Variants in EGLN1 observed in about 807,000 individuals in gnomAD.
EGLN1 encodes egl nine homolog 1.
EGLN1 carries 17 observed loss-of-function variants against 38.3 expected under a neutral mutation model. The observed-to-expected ratio is 0.44, with a 90% CI of 0.30 to 0.67. The LOEUF is 0.67. EGLN1 is among the 30% of genes least tolerant of loss of function. The pLI is 0.08. For missense variants in EGLN1, 477 were observed against 603.3 expected, an observed-to-expected ratio of 0.79 and a Z score of 2.19; for synonymous variants, 283 against 257.5, an observed-to-expected ratio of 1.10 and a Z score of -0.95.
intron 1 of EGLN1, among the ~76,000 whole-genome samples, chr1:231,395,577 T>C (rs1444948931): frequency 6.6e-6 from 1 of 152,218 alleles, no homozygotes; most frequent in Non-Finnish European, 1.5e-5. Context: ...GCACTGAAAA[T>C]CCAGCTTCCC....
intron 1 of EGLN1, among the ~76,000 whole-genome samples, chr1:231,379,457 T>C (rs1206381447): frequency 2.0e-5 from 3 of 152,212 alleles, no homozygotes; most frequent in African/African-American, 7.2e-5. Flanking sequence ...ATGGTAAACC[T>C]TGAAATAAAT....
chr1:231,363,758 T>G lies in EGLN1; in HGVS notation c.*2653A>C, dbSNP rs771422163. On this transcript the variant is annotated 3_prime_UTR_variant, in exon 5 of 5. Transcript: ENST00000366641. ...AGCTGGAAATAACCACCATAATGTT[T>G]CAACAACATTTATACATCTTTTTAA... 4 of 152,230 alleles carry G rather than the reference T, an allele frequency of 2.6e-5. No individual in the cohort carries two copies. The highest frequency in any genetic ancestry group is 4.4e-5 in the Non-Finnish European group (3 of 68,042). The allele number at this position is 152,230 out of a possible 1,614,324, so 9.4% of individuals were successfully genotyped here. A position where few individuals can be genotyped will look rare whatever the true frequency, so the allele number is the denominator to read the frequency against.
intron 1 of EGLN1, among the ~76,000 whole-genome samples, chr1:231,400,845 T>C (rs1298136631): frequency 6.6e-6 from 1 of 151,486 alleles, no homozygotes; most frequent in East Asian, 2.0e-4. Context: ...AGGTCAGGAG[T>C]TCAAGACCAG....
At chr1:231,420,083 A>C (rs989662262) in intron 1 of EGLN1, 1 of 152,224 alleles carries the variant, frequency 6.6e-6, no homozygotes, top group African/African-American at 2.4e-5. Context: ...ACTGTTTATC[A>C]TGAGGGAGGA....
chr1:231,380,530 T>A (rs1369240477), intron 1 of EGLN1, among the ~76,000 whole-genome samples: 1 of 152,098 alleles, frequency 6.6e-6, no homozygotes. Context: ...AAAATGCTAT[T>A]ATAATAATAT....
chr1:231,387,251 ACACACCCC>A (rs1337729303), intron 1 of EGLN1, among the ~76,000 whole-genome samples: 2 of 151,314 alleles, frequency 1.3e-5, no homozygotes, highest in Non-Finnish European at 2.9e-5. Flanking sequence ...ACACACACAC[ACACACCCC>A]CCTAATTAAA....
chr1:231,416,446 T>C (rs1689085577), intron 1 of EGLN1, among the ~76,000 whole-genome samples: 2 of 151,928 alleles, frequency 1.3e-5, no homozygotes, highest in Admixed American at 1.3e-4. Flanking sequence ...ATTTTTTTTT[T>C]TTTTTTGAGA....
intron 1 of EGLN1, among the ~76,000 whole-genome samples, chr1:231,375,365 G>C (rs887377041): frequency 6.6e-6 from 1 of 152,156 alleles, no homozygotes; most frequent in Non-Finnish European, 1.5e-5. Context: ...GGTTTGTTAT[G>C]AGCTATTCTT....
intron 1 of EGLN1, among the ~76,000 whole-genome samples, chr1:231,412,232 T>C (rs2102937908): frequency 6.6e-6 from 1 of 152,212 alleles, no homozygotes; most frequent in South Asian, 2.1e-4. Context: ...CTTCACTACT[T>C]TAGGAAGCTA....
intron 1 of EGLN1, among the ~76,000 whole-genome samples, chr1:231,381,850 A>G (rs1203075100): frequency 6.6e-6 from 1 of 152,230 alleles, no homozygotes; most frequent in Admixed American, 6.5e-5. Flanking sequence ...CTGTATTTAT[A>G]TCACACACAC....
intron 1 of EGLN1, among the ~76,000 whole-genome samples, chr1:231,374,806 A>G (rs1287574172): frequency 3.3e-5 from 5 of 152,154 alleles, no homozygotes; most frequent in African/African-American, 9.7e-5. Flanking sequence ...AAAAGGACTA[A>G]ACAAATTAGC....
intron 3 of EGLN1, among the ~76,000 whole-genome samples, chr1:231,368,379 A>G (rs1687718263): frequency 6.6e-6 from 1 of 152,214 alleles, no homozygotes; most frequent in Admixed American, 6.5e-5. Context: ...GATGTTTACA[A>G]TTATAACCTT....
chr1:231,422,030 G>T lies in EGLN1; in HGVS notation c.-142C>A. The T allele has an allele frequency of 4.3e-6, 4 of 933,428 alleles. No individual in the cohort carries two copies. Among genetic ancestry groups the T allele is most frequent in the Non-Finnish European group, 5.7e-6 (4 of 701,516 alleles). The allele number at this position is 933,428 out of a possible 1,614,324, so 57.8% of individuals were successfully genotyped here. ...GCACCCGCTACCCTCGCCTCAGGGA[G>T]GCCGGCACCCCACGCCCTCGGCCCG... is the stretch of plus-strand genomic sequence containing the variant. On this transcript the variant is annotated 5_prime_UTR_variant, in exon 1 of 5. Transcript: ENST00000366641.
At chr1:231,418,729 G>A (rs1347662888) in intron 1 of EGLN1, among the ~76,000 whole-genome samples, 1 of 151,980 alleles carries the variant, frequency 6.6e-6, no homozygotes. Flanking sequence ...CAAGTATGGT[G>A]GTGTGTGCCT....
intron 1 of EGLN1, among the ~76,000 whole-genome samples, chr1:231,391,661 G>A (rs1220755871): frequency 6.6e-6 from 1 of 152,124 alleles, no homozygotes; most frequent in African/African-American, 2.4e-5. Flanking sequence ...AAGAGCACAT[G>A]AGACTATCTT....
At chr1:231,382,612 T>C (rs1688101918) in intron 1 of EGLN1, among the ~76,000 whole-genome samples, 1 of 152,230 alleles carries the variant, frequency 6.6e-6, no homozygotes, top group Non-Finnish European at 1.5e-5. Flanking sequence ...GTTAATCTAA[T>C]GGCCTACTAT....
intron 1 of EGLN1, among the ~76,000 whole-genome samples, chr1:231,406,028 GCT>G: frequency 1.1e-5 from 1 of 93,990 alleles, no homozygotes; most frequent in East Asian, 2.9e-4. Context: ...TATTACTAAG[GCT>G]TTTTTTTTTT....
Position 231,421,458 on chromosome 1 carries a change from G to C in EGLN1, c.431C>G (p.Pro144Arg). Residue 144 changes from proline (P) to arginine (R), a missense_variant, in exon 1 of 5, where the codon CCC becomes CGC. Pro to Arg is a moderately radical substitution (Grantham distance 103). This residue lies in a region of EGLN1 where 298 missense variants were observed against 288.9 expected (regional missense o/e 1.03). Transcript: ENST00000366641. The surrounding 1 kb of genome is among the most constrained non-coding windows in gnomAD (Gnocchi z 5.5). ...GCGGGCCGGCGGCTCCTCCTTGCCG[G>C]GCTCGGCTTCGGCAGCCACCGCCGA... ...QGSAVAAEAE[P>R]GKEEPPARSS... The C allele has an allele frequency of 1.4e-6, 2 of 1,477,074 alleles. No homozygotes were observed. Among genetic ancestry groups the C allele is most frequent in the Non-Finnish European group, 1.8e-6 (2 of 1,114,020 alleles). 91.5% of individuals were successfully genotyped at this position (1,477,074 alleles called of 1,614,324 possible).
intron 1 of EGLN1, among the ~76,000 whole-genome samples, chr1:231,385,829 C>A (rs1688191300): frequency 6.6e-6 from 1 of 152,120 alleles, no homozygotes; most frequent in Admixed American, 6.5e-5. Context: ...TCAGTAACTG[C>A]AATAAAAAGG....
Sources: allele counts gnomAD v4.1 joint callset (sites outside exome capture counted in the v4.1 genomes callset), GRCh38; gene constraint gnomAD v4.1.1; regional missense constraint gnomAD v4.1.1; non-coding constraint Gnocchi (gnomAD v3.1); transcripts MANE v1.5; gene names NCBI Gene and HGNC (gene_info 2026-07-23, HGNC 2026-07-21).